CEP162: variants seen among roughly 807,000 people sequenced by gnomAD.
The protein encoded by CEP162 is centrosomal protein of 162 kDa.
In CEP162, 141 loss-of-function variants were observed where a neutral mutation model predicts 169.2. The observed-to-expected ratio is 0.83, with a 90% CI of 0.73 to 0.96. The LOEUF (loss-of-function observed/expected upper bound fraction) is 0.96, where lower values mean the gene tolerates loss of function less well. CEP162 is among the 40% of genes least tolerant of loss of function. The pLI is 0.00. For synonymous variants in CEP162, 540 were observed against 526.4 expected (o/e 1.03, Z -0.35); for missense variants, 1,600 against 1,587.2 (o/e 1.01, Z -0.14).
At chr6:84,146,119 T>C (rs926734973) in intron 25 of CEP162, among the ~76,000 whole-genome samples, 1 of 152,096 alleles carries the variant, frequency 6.6e-6, no homozygotes, top group African/African-American at 2.4e-5. Flanking sequence ...CAATCTATGT[T>C]TTCCTCTTCC....
chr6:84,180,193 C>T (rs557629240), intron 13 of CEP162, among the ~76,000 whole-genome samples: 17 of 152,240 alleles, frequency 1.1e-4, no homozygotes, highest in Middle Eastern at 3.4e-3. Flanking sequence ...GTTCAACGTA[C>T]GCAAATCAAT....
intron 13 of CEP162, among the ~76,000 whole-genome samples, chr6:84,181,550 T>C (rs1193597296): frequency 1.3e-5 from 2 of 152,134 alleles, no homozygotes; most frequent in Non-Finnish European, 2.9e-5. Context: ...CTTTTACACA[T>C]GAAAAAAATT....
intron 25 of CEP162, among the ~76,000 whole-genome samples, chr6:84,137,884 G>A (rs1424813690): frequency 6.6e-6 from 1 of 152,154 alleles, no homozygotes; most frequent in African/African-American, 2.4e-5. Context: ...AGAGGTGCTG[G>A]ATCCTTAATA....
intron 25 of CEP162, among the ~76,000 whole-genome samples, chr6:84,134,959 T>C (rs200673272): frequency 4.0e-5 from 6 of 148,882 alleles, no homozygotes; most frequent in Admixed American, 3.4e-4. Flanking sequence ...CACACACATA[T>C]ATAGTGTTAG....
At chr6:84,168,870 C>G (rs1011022822) in intron 18 of CEP162, among the ~76,000 whole-genome samples, 3 of 152,210 alleles carry the variant, frequency 2.0e-5, no homozygotes, top group Non-Finnish European at 4.4e-5. Flanking sequence ...TTGTAAGATA[C>G]AGTCTCTGCT....
chr6:84,210,807 T>C (rs1303638065), intron 6 of CEP162, among the ~76,000 whole-genome samples: 1 of 152,094 alleles, frequency 6.6e-6, no homozygotes, highest in Non-Finnish European at 1.5e-5. Flanking sequence ...TGGAGAGACC[T>C]CATTGATCAC....
At chr6:84,174,680 T>A in intron 15 of CEP162, 47 bp downstream of exon 15, 1 of 936,860 alleles carries the variant, frequency 1.1e-6, no homozygotes, top group Non-Finnish European at 1.6e-6. Context: ...TCAGCTTTTT[T>A]TTTTTTTAAT....
chr6:84,227,494 A>T (rs2099556200), intron 1 of CEP162, 86 bp downstream of exon 1: 1 of 152,180 alleles, frequency 6.6e-6, no homozygotes, highest in Non-Finnish European at 1.5e-5. Flanking sequence ...TGACCTGGAA[A>T]ATTAAAGCCC....
At chr6:84,174,339 G>A (rs1438297446) in intron 15 of CEP162, among the ~76,000 whole-genome samples, 151 bp from the exon 16 acceptor site, 1 of 152,178 alleles carries the variant, frequency 6.6e-6, no homozygotes, top group Non-Finnish European at 1.5e-5. Context: ...AATCAGCAAA[G>A]TGCTGTTTTG....
At chr6:84,155,211 T>G (rs1256160726) in intron 22 of CEP162, 87 bp downstream of exon 22, 2 of 989,570 alleles carry the variant, frequency 2.0e-6, no homozygotes, top group East Asian at 4.9e-5. Flanking sequence ...AGAATGTTTA[T>G]AGCTATTTGT....
chr6:84,194,898 G>A lies in CEP162; in HGVS notation c.1013C>T (p.Ser338Phe), dbSNP rs371174624. ...TAAGTTTTTACCAGATTCCATAGTA[G>A]AGATGTTTTTTGAATTCTCTTCATT... is the stretch of plus-strand genomic sequence containing the variant. ...QENEENSKNISTMESDLPTVE... is the reference protein window; with the variant it reads ...QENEENSKNIFTMESDLPTVE... The change falls in exon 10 of 27, where the codon TCT (serine) becomes TTT (phenylalanine). Residue 338 changes from serine (S) to phenylalanine (F), a missense_variant. By Grantham distance (155) the Ser-to-Phe change is radical. Transcript: ENST00000403245. 2.5e-6 allele frequency: 4 copies of A among 1,608,782 alleles called. No individual in the cohort carries two copies. Among genetic ancestry groups the A allele is most frequent in the Non-Finnish European group, 8.5e-7 (1 of 1,176,764 alleles).
At chr6:84,187,709 T>C (rs2099537820) in intron 11 of CEP162, among the ~76,000 whole-genome samples, 1 of 152,206 alleles carries the variant, frequency 6.6e-6, no homozygotes, top group Non-Finnish European at 1.5e-5. Context: ...GACGGCAGCC[T>C]ATGTTTTACA....
intron 13 of CEP162, among the ~76,000 whole-genome samples, chr6:84,180,725 T>C (rs2099534446): frequency 6.6e-6 from 1 of 151,994 alleles, no homozygotes; most frequent in Non-Finnish European, 1.5e-5. Context: ...AGCCAAATCA[T>C]GAGTGAACTC....
intron 6 of CEP162, among the ~76,000 whole-genome samples, chr6:84,210,251 T>C (rs1395763097): frequency 6.6e-6 from 1 of 152,216 alleles, no homozygotes; most frequent in African/African-American, 2.4e-5. Context: ...AGATAAACCA[T>C]ATGAATTGTA....
At chr6:84,220,827 A>G (rs1272197334) in intron 3 of CEP162, among the ~76,000 whole-genome samples, 2 of 152,182 alleles carry the variant, frequency 1.3e-5, no homozygotes, top group Non-Finnish European at 2.9e-5. Flanking sequence ...ATTTGAGTAA[A>G]TATAAATTAT....
chr6:84,201,095 G>A (rs1349109763), intron 8 of CEP162, among the ~76,000 whole-genome samples, 190 bp from the exon 9 acceptor site: 5 of 152,216 alleles, frequency 3.3e-5, no homozygotes, highest in East Asian at 1.9e-4. Context: ...TGGCTAACAC[G>A]GTGAAACCCC....
rs181627156 is a variant in CEP162, at chr6:84,152,548, C to T, written c.3626G>A (p.Arg1209Lys). 17 of 1,438,800 alleles carry T rather than the reference C, an allele frequency of 1.2e-5. No individual in the cohort carries two copies. In the Admixed American group the frequency reaches 4.3e-4, roughly 37 times the overall value. 89.1% of individuals were successfully genotyped at this position (1,438,800 alleles called of 1,614,324 possible). ...AVMNQFENSM[R>K]RVKEDTAAHI... ...TATAAATAATTTAACATTTTACCTT[C>T]TCATGGAGTTTTCAAATTGATTCAT... Residue 1209 changes from arginine to lysine, a missense_variant, in exon 23 of 27, where the codon AGA becomes AAA. Physicochemically the swap from Arg to Lys is conservative, Grantham distance 26. Transcript: ENST00000403245.
chr6:84,168,818 A>T (rs1266348862), intron 18 of CEP162, among the ~76,000 whole-genome samples: 1 of 152,204 alleles, frequency 6.6e-6, no homozygotes, highest in African/African-American at 2.4e-5. Context: ...ATGGAACAGC[A>T]TTGCATTTCA....
intron 22 of CEP162, 63 bp downstream of exon 22, chr6:84,155,235 T>A: frequency 8.0e-7 from 1 of 1,252,656 alleles, no homozygotes; most frequent in Non-Finnish European, 1.2e-6. Context: ...AGTGAGATCC[T>A]AAGAAGTGCC....
Sources: gnomAD v4.1 joint callset for allele counts (sites outside exome capture counted in the v4.1 genomes callset) on GRCh38, gnomAD v4.1.1 for gene constraint, MANE v1.5 for transcripts, NCBI Gene and HGNC (gene_info 2026-07-23, HGNC 2026-07-21) for gene names.